ANPEP: variants seen among roughly 807,000 people sequenced by gnomAD.
ANPEP encodes alanyl aminopeptidase, membrane.
A neutral mutation model predicts 114.6 loss-of-function variants in ANPEP; 70 were observed. The observed-to-expected ratio is 0.61, with a 90% CI of 0.50 to 0.75. The LOEUF (loss-of-function observed/expected upper bound fraction) is 0.75, where lower values mean the gene tolerates loss of function less well. Ranked by LOEUF, ANPEP falls within the 30% of genes least tolerant of loss-of-function variation. The pLI, the probability that ANPEP is intolerant of heterozygous loss-of-function variation, is 0.00. For missense variants in ANPEP, 1,184 were observed against 1,259.5 expected, an observed-to-expected ratio of 0.94 and a Z score of 0.91; for synonymous variants, 548 against 522.3, an observed-to-expected ratio of 1.05 and a Z score of -0.67.
At chr15:89,804,718 G>A (rs1894674098) in intron 4 of ANPEP, 101 bp from the exon 5 acceptor site, 1 of 1,493,024 alleles carries the variant, frequency 6.7e-7, no homozygotes, top group Non-Finnish European at 9.0e-7. Flanking sequence ...TCCCTGATGG[G>A]CCAGGGCTGG....
At chr15:89,804,120 G>C (rs1349450626) in intron 6 of ANPEP, 118 bp from the exon 7 acceptor site, 1 of 1,544,602 alleles carries the variant, frequency 6.5e-7, no homozygotes, top group Non-Finnish European at 8.9e-7. Flanking sequence ...CAACACCATC[G>C]TGACCCCTTC....
chr15:89,801,211 G>A (rs1157353999), intron 11 of ANPEP, 24 bp from the exon 12 acceptor site: 1 of 1,612,866 alleles, frequency 6.2e-7, no homozygotes, highest in South Asian at 1.1e-5. Flanking sequence ...TCCAGAGGTG[G>A]TGAGAGATGG....
chr15:89,810,817 C>G (rs543840107), intron 1 of ANPEP, among the ~76,000 whole-genome samples: 11 of 152,240 alleles, frequency 7.2e-5, no homozygotes, highest in Non-Finnish European at 1.6e-4. Flanking sequence ...ACGCTCTCCC[C>G]TGTCACTTCT....
At chr15:89,804,232 C>T in intron 6 of ANPEP, 21 bp downstream of exon 6, 1 of 1,613,688 alleles carries the variant, frequency 6.2e-7, no homozygotes, top group Non-Finnish European at 8.5e-7. Context: ...CTTCTCCGCA[C>T]TCCCCGAGAT....
chr15:89,805,469 C>G lies in ANPEP; in HGVS notation c.615-6G>C. ...TCTGTGTAGTGGCCACCACCCTGCC[C>G]CAACAGGAAGGTTAGAGGGTGTGCC... On this transcript the variant is annotated splice_region_variant and splice_polypyrimidine_tract_variant and intron_variant, in intron 2 of 20. Coordinates refer to ENST00000300060, the MANE Select transcript of ANPEP (RefSeq NM_001150.3). 1 of 1,613,914 alleles carries G rather than the reference C, an allele frequency of 6.2e-7. No homozygotes were observed. Among genetic ancestry groups the G allele is most frequent in the Non-Finnish European group, 8.5e-7 (1 of 1,179,948 alleles).
At chr15:89,787,040 CTTTTT>C (rs1015822999) in intron 20 of ANPEP, among the ~76,000 whole-genome samples, 2 of 91,044 alleles carry the variant, frequency 2.2e-5, no homozygotes, top group East Asian at 3.5e-4. Flanking sequence ...TAATAAAACT[CTTTTT>C]TTTTTTTTTT....
chr15:89,810,386 AAAT>A (rs1330040911), intron 1 of ANPEP, among the ~76,000 whole-genome samples: 2 of 37,660 alleles, frequency 5.3e-5, no homozygotes, highest in South Asian at 8.5e-4. Flanking sequence ...CTCAAAAAAT[AAAT>A]AAATAAATAA....
chr15:89,812,376 TG>T (rs1894832063), intron 1 of ANPEP, among the ~76,000 whole-genome samples: 1 of 152,258 alleles, frequency 6.6e-6, no homozygotes, highest in Admixed American at 6.5e-5. Flanking sequence ...GGGCACACTC[TG>T]TCCCCGCAGG....
chr15:89,806,785 T>C lies in ANPEP; in HGVS notation c.-202A>G, dbSNP rs797022017. The C allele has an allele frequency of 2.3e-5, 19 of 824,858 alleles. No homozygotes were observed. The African/African-American group carries it at 3.1e-4, about 13-fold the overall frequency. 51.1% of individuals were successfully genotyped at this position (824,858 alleles called of 1,614,324 possible). A position where few individuals can be genotyped will look rare whatever the true frequency, so the allele number is the denominator to read the frequency against. On this transcript the variant is annotated 5_prime_UTR_variant, in exon 2 of 21. Coordinates refer to ENST00000300060, the MANE Select transcript of ANPEP (RefSeq NM_001150.3). The surrounding 1 kb of genome is among the most constrained non-coding windows in gnomAD (Gnocchi z 5.7). ...GGAGAGGAGATCCAGGAACGGTGTG[T>C]GGAGCTGGGCTCGGGGGGTGCCTGC...
rs1830427457 is a variant in ANPEP at position 89,801,446 on chromosome 15, G to C, written c.1731C>G (p.Pro577=). 6.2e-7 allele frequency: 1 copy of C among 1,614,034 alleles called. No individual in the cohort carries two copies. Among genetic ancestry groups the C allele is most frequent in the Admixed American group, 1.7e-5 (1 of 60,010 alleles). Residue 577 remains proline (P), a synonymous_variant, in exon 11 of 21, where the codon CCC becomes CCG. Transcript: ENST00000300060. ...LLDPDSNVTR[P]SEFNYVWIVP... ...CCCCATCTGCTCACTTGAATTCTGA[G>C]GGGCGGGTAACATTGGAATCGGGGT...
rs139324867 is a variant in ANPEP at position 89,803,139 on chromosome 15, C to T, written c.1569+100G>A. 831 of 1,358,970 alleles carry T rather than the reference C, an allele frequency of 6.1e-4. 6 individuals carry two copies. In the African/African-American group the frequency reaches 9.6e-3, roughly 16 times the overall value. 84.2% of individuals were successfully genotyped at this position (1,358,970 alleles called of 1,614,324 possible). A position where few individuals can be genotyped will look rare whatever the true frequency, so the allele number is the denominator to read the frequency against. ...TCCACCCTGCAGGGCTGGTCAGCCG[C>T]GGAGCTGGACCCATTCTCTTACGCA... On this transcript the variant is annotated intron_variant, in intron 10 of 20. Coordinates refer to ENST00000300060, the MANE Select transcript of ANPEP (RefSeq NM_001150.3). This position sits in a 1 kb window ranked among gnomAD's most constrained non-coding sequence, Gnocchi z 4.2.
At chr15:89,797,492 G>A (rs1190340920) in intron 15 of ANPEP, 83 bp downstream of exon 15, 109 of 1,500,842 alleles carry the variant, frequency 7.3e-5, no homozygotes, top group Non-Finnish European at 7.8e-5. Flanking sequence ...AGTCCAGTAG[G>A]CAATAGTCTA....
At chr15:89,811,266 C>A (rs1894810675) in intron 1 of ANPEP, among the ~76,000 whole-genome samples, 1 of 152,180 alleles carries the variant, frequency 6.6e-6, no homozygotes, top group Non-Finnish European at 1.5e-5. Flanking sequence ...TTCTTTAAAT[C>A]AATTCACTTT....
At chr15:89,804,701 G>C in intron 4 of ANPEP, 84 bp from the exon 5 acceptor site, 1 of 1,543,530 alleles carries the variant, frequency 6.5e-7, no homozygotes, top group South Asian at 1.2e-5. Flanking sequence ...CCAGTGGGCT[G>C]GGGGGATCCC....
intron 15 of ANPEP, 39 bp downstream of exon 15, chr15:89,797,536 G>A (rs1968752288): frequency 4.4e-6 from 7 of 1,590,124 alleles, no homozygotes; most frequent in South Asian, 1.1e-5. Flanking sequence ...CAGGCACTGG[G>A]GCGAACTGGT....
Position 89,799,190 on chromosome 15 carries a change from C to T in ANPEP, c.2009+70G>A. ...GGAAGGGCAGCAGGAGGAGCAGGGG[C>T]CCTCATTGTGGACTCAGACTTGCTG... On this transcript the variant is annotated intron_variant, in intron 14 of 20. Transcript: ENST00000300060. This position sits in a 1 kb window ranked among gnomAD's most constrained non-coding sequence, Gnocchi z 4.2. The T allele has an allele frequency of 6.4e-7, 1 of 1,564,802 alleles. No individual in the cohort carries two copies. Among genetic ancestry groups the T allele is most frequent in the Non-Finnish European group, 8.8e-7 (1 of 1,136,412 alleles).
intron 20 of ANPEP, among the ~76,000 whole-genome samples, chr15:89,789,133 C>T (rs1968567207): frequency 6.6e-6 from 1 of 151,864 alleles, no homozygotes; most frequent in Non-Finnish European, 1.5e-5. Context: ...GCACCCCCCA[C>T]CACACCCAGC....
chr15:89,813,991 T>TTG (rs796085758), intron 1 of ANPEP, among the ~76,000 whole-genome samples: 6 of 111,758 alleles, frequency 5.4e-5, no homozygotes, highest in African/African-American at 2.1e-4. Flanking sequence ...ACCGCACTGC[T>TTG]GGGGGGGGGG....
At chr15:89,801,256 AG>A (rs1894583012) in intron 11 of ANPEP, 69 bp from the exon 12 acceptor site, 1 of 1,578,058 alleles carries the variant, frequency 6.3e-7, no homozygotes, top group Non-Finnish European at 8.7e-7. Flanking sequence ...GCAGCTGCCC[AG>A]GCTCCCAGCT....
Sources: gnomAD v4.1 joint callset for allele counts (sites outside exome capture counted in the v4.1 genomes callset) on GRCh38, gnomAD v4.1.1 for gene constraint, Gnocchi (gnomAD v3.1) non-coding constraint, MANE v1.5 for transcripts, NCBI Gene and HGNC (gene_info 2026-07-23, HGNC 2026-07-21) for gene names.